Variants in GSTCD observed in about 807,000 individuals in gnomAD.
The protein encoded by GSTCD is glutathione S-transferase C-terminal domain-containing protein.
Under a neutral mutation model 68.3 loss-of-function variants are expected in GSTCD, and 44 were observed. The observed-to-expected ratio is 0.64, with a 90% CI of 0.51 to 0.83. GSTCD has a LOEUF of 0.83. Ranked by LOEUF, GSTCD falls within the 40% of genes least tolerant of loss-of-function variation. The pLI, the probability that GSTCD is intolerant of heterozygous loss-of-function variation, is 0.00. For synonymous variants in GSTCD, 273 were observed against 255.2 expected (o/e 1.07, Z -0.67); for missense variants, 739 against 735.9 (o/e 1.00, Z -0.05).
At chr4:105,754,353 G>A (rs1460187779) in intron 5 of GSTCD, among the ~76,000 whole-genome samples, 1 of 151,996 alleles carries the variant, frequency 6.6e-6, no homozygotes, top group African/African-American at 2.4e-5. Flanking sequence ...TAACCATAGG[G>A]TAAAAATGTA....
At chr4:105,812,236 C>A in intron 5 of GSTCD, among the ~76,000 whole-genome samples, 1 of 152,162 alleles carries the variant, frequency 6.6e-6, no homozygotes, top group African/African-American at 2.4e-5. Flanking sequence ...TAAATGTTAT[C>A]AAAATCTAGA....
chr4:105,834,856 C>G (rs967175492), intron 9 of GSTCD, among the ~76,000 whole-genome samples: 1 of 152,178 alleles, frequency 6.6e-6, no homozygotes, highest in Admixed American at 6.5e-5. Context: ...GGCTTTAGCA[C>G]TTCTCTCTGT....
chr4:105,824,485 G>A (rs1161552367), intron 7 of GSTCD, among the ~76,000 whole-genome samples: 1 of 152,110 alleles, frequency 6.6e-6, no homozygotes, highest in Non-Finnish European at 1.5e-5. Context: ...TTCACACCAA[G>A]TATAGTCTAA....
intron 10 of GSTCD, among the ~76,000 whole-genome samples, chr4:105,841,246 C>T (rs1724325646): frequency 1.3e-5 from 2 of 151,790 alleles, no homozygotes; most frequent in African/African-American, 4.8e-5. Flanking sequence ...ATTGCTTGAA[C>T]CCAGGAGGCG....
chr4:105,714,542 CA>C (rs1732629274), intron 1 of GSTCD, among the ~76,000 whole-genome samples: 1 of 151,190 alleles, frequency 6.6e-6, no homozygotes, highest in Non-Finnish European at 1.5e-5. Context: ...CAGTGCAAGC[CA>C]AAAACATCAC....
intron 5 of GSTCD, among the ~76,000 whole-genome samples, chr4:105,806,050 C>T (rs1187740843): frequency 1.3e-5 from 2 of 151,942 alleles, no homozygotes; most frequent in African/African-American, 4.8e-5. Context: ...CTCCTTTTTC[C>T]TTAGTGTCTG....
chr4:105,771,732 T>C (rs1201213742), intron 5 of GSTCD, among the ~76,000 whole-genome samples: 1 of 152,164 alleles, frequency 6.6e-6, no homozygotes, highest in Non-Finnish European at 1.5e-5. Flanking sequence ...CGTCTATATA[T>C]CTGTTTTGGT....
chr4:105,822,516 G>T (rs1022612910), intron 5 of GSTCD, among the ~76,000 whole-genome samples: 1 of 152,084 alleles, frequency 6.6e-6, no homozygotes, highest in African/African-American at 2.4e-5. Flanking sequence ...ATTAAGCAAT[G>T]TGTTGAAATT....
chr4:105,778,916 T>C (rs1735173895), intron 5 of GSTCD, among the ~76,000 whole-genome samples: 1 of 152,102 alleles, frequency 6.6e-6, no homozygotes, highest in South Asian at 2.1e-4. Context: ...CCACACATAC[T>C]CATTCTCTGT....
At chr4:105,824,599 T>C (rs544133180) in intron 7 of GSTCD, among the ~76,000 whole-genome samples, 3 of 152,310 alleles carry the variant, frequency 2.0e-5, no homozygotes, top group South Asian at 4.1e-4. Context: ...TTTTTTTCCA[T>C]TCAAACCATC....
chr4:105,842,470 T>C (rs985898254), intron 11 of GSTCD, among the ~76,000 whole-genome samples: 18 of 152,204 alleles, frequency 1.2e-4, no homozygotes, highest in African/African-American at 4.3e-4. Flanking sequence ...AAGTCAACTA[T>C]ATATACCAAA....
rs1388500597 is a variant in GSTCD, at chr4:105,723,991, ATTAC to A, written c.895-2585_895-2582del. Reference sequence around the variant, plus strand: ...GTTACAGTCCTTGTTCTTATAATCAATTACTTGTGCTCATTTAATCTTAAAGTCC... The same window carrying A: ...GTTACAGTCCTTGTTCTTATAATCAATTGTGCTCATTTAATCTTAAAGTCC... On this transcript the variant is annotated intron_variant, in intron 3 of 11. Transcript: ENST00000515279. Among the ~76,000 whole-genome samples, 3 of 151,954 alleles carry A rather than the reference ATTAC, an allele frequency of 2.0e-5. No individual in the cohort carries two copies. The South Asian group carries it at 6.2e-4, about 31-fold the overall frequency.
At position 105,819,013 on chromosome 4, in the gene GSTCD, A is replaced by G. The variant is rs192116886; in HGVS notation, c.1241-3941A>G. Among the ~76,000 whole-genome samples the G allele has an allele frequency of 5.9e-5, 9 of 151,932 alleles. No individual in the cohort carries two copies. The East Asian group carries it at 1.5e-3, about 26-fold the overall frequency. The stretch of plus-strand genomic sequence containing the variant: ...TAAAAGAACACCTTAGTTGGTAATA[A>G]TGTAAAATTAACAGTGCTGTCTATT... On this transcript the variant is annotated intron_variant, in intron 5 of 11. Coordinates refer to ENST00000515279, the MANE Select transcript of GSTCD (RefSeq NM_001370181.1).
chr4:105,777,294 GTA>G (rs141774235), intron 5 of GSTCD, among the ~76,000 whole-genome samples: 1 of 151,328 alleles, frequency 6.6e-6, no homozygotes, highest in Non-Finnish European at 1.5e-5. Flanking sequence ...GTATGTGTGT[GTA>G]TATATATATA....
intron 3 of GSTCD, among the ~76,000 whole-genome samples, chr4:105,721,991 A>G (rs1018539621): frequency 6.6e-6 from 1 of 152,162 alleles, no homozygotes; most frequent in Non-Finnish European, 1.5e-5. Context: ...AGAAGATTGT[A>G]TATTATTTTT....
chr4:105,825,763 C>T lies in GSTCD; in HGVS notation c.1493C>T (p.Ala498Val). The change falls in exon 8 of 12, where the codon GCA becomes GTA. Residue 498 changes from alanine to valine, a missense_variant. Physicochemically the swap from Ala to Val is moderately conservative, Grantham distance 64. Coordinates refer to ENST00000515279, the MANE Select transcript of GSTCD (RefSeq NM_001370181.1). ...LGLSNIWFIQ[A>V]NMEYFTGMFN... Reference sequence around the variant, plus strand: ...TTAAGCAACATTTGGTTCATTCAAGCAAATATGGAATATTTTACTGGGATG... The same window carrying T: ...TTAAGCAACATTTGGTTCATTCAAGTAAATATGGAATATTTTACTGGGATG... 1 of 1,545,368 alleles carries T rather than the reference C, an allele frequency of 6.5e-7. No individual in the cohort carries two copies. The highest frequency in any genetic ancestry group is 8.9e-7 in the Non-Finnish European group (1 of 1,119,744).
intron 5 of GSTCD, among the ~76,000 whole-genome samples, chr4:105,760,474 G>A (rs931175805): frequency 6.6e-5 from 10 of 151,970 alleles, no homozygotes; most frequent in Non-Finnish European, 1.2e-4. Flanking sequence ...TTTACCAACT[G>A]CATTGCATTT....
intron 5 of GSTCD, among the ~76,000 whole-genome samples, chr4:105,817,093 G>A (rs531054390): frequency 9.1e-4 from 138 of 151,902 alleles, no homozygotes; most frequent in African/African-American, 3.2e-3. Context: ...TAAGAACATT[G>A]TACAATGTGA....
chr4:105,789,772 G>A (rs1030283369), intron 5 of GSTCD, among the ~76,000 whole-genome samples: 10 of 151,730 alleles, frequency 6.6e-5, no homozygotes, highest in African/African-American at 2.2e-4. Context: ...AATACAGGAG[G>A]GAGGACCATT....
Sources: allele counts gnomAD v4.1 joint callset (sites outside exome capture counted in the v4.1 genomes callset), GRCh38; gene constraint gnomAD v4.1.1; transcripts MANE v1.5; gene names NCBI Gene and HGNC (gene_info 2026-07-23, HGNC 2026-07-21).